The following RAPGEF5 variants were observed in gnomAD, a reference collection of about 807,000 sequenced individuals.
The protein encoded by RAPGEF5 is M-Ras-regulated GEF.
A neutral mutation model predicts 125.2 loss-of-function variants in RAPGEF5; 65 were observed. The ratio of observed to expected loss-of-function variants is 0.52; its 90% CI spans 0.43 to 0.64. RAPGEF5 has a LOEUF of 0.64. Ranked by LOEUF, RAPGEF5 falls within the 30% of genes least tolerant of loss-of-function variation. The probability of loss-of-function intolerance (pLI) is 0.00; values close to 1 mark genes in which losing one functional copy is unlikely to be tolerated. For synonymous variants in RAPGEF5, 391 were observed against 385.9 expected (o/e 1.01, Z -0.16); for missense variants, 958 against 1,048.1 (o/e 0.91, Z 1.19).
intron 7 of RAPGEF5, among the ~76,000 whole-genome samples, chr7:22,254,608 C>CAAAAA (rs11330777): frequency 2.4e-5 from 2 of 83,018 alleles, no homozygotes; most frequent in African/African-American, 9.0e-5. Context: ...AACTCCGTCT[C>CAAAAA]AAAAAAAAAA....
chr7:22,310,149 A>AAAAAAATGATAT, intron 3 of RAPGEF5, 59 bp from the exon 4 acceptor site: 1 of 1,273,722 alleles, frequency 7.9e-7, no homozygotes. Context: ...TGCCAAAAAA[A>AAAAAAATGATAT]CAAAAATGAT....
In RAPGEF5 at chr7:22,308,556, C is replaced by T. The variant is rs1364259111; in HGVS notation, c.512-49G>A. The T allele has an allele frequency of 1.3e-5, 17 of 1,356,736 alleles. No individual in the cohort carries two copies. The Middle Eastern group carries it at 7.8e-4, about 63-fold the overall frequency. 84.0% of individuals were successfully genotyped at this position (1,356,736 alleles called of 1,614,324 possible). ...GATCAATTTTTTAAAAGATATTACT[C>T]AGAGAGTAATAACTCAAATGATAAA... On this transcript the variant is annotated intron_variant, in intron 4 of 25. Coordinates refer to ENST00000665637, the MANE Select transcript of RAPGEF5 (RefSeq NM_012294.5).
At chr7:22,225,586 C>A (rs1302109935) in intron 8 of RAPGEF5, among the ~76,000 whole-genome samples, 1 of 152,144 alleles carries the variant, frequency 6.6e-6, no homozygotes, top group Non-Finnish European at 1.5e-5. Flanking sequence ...TTTCAGAGCT[C>A]CATAATTTAG....
intron 1 of RAPGEF5, chr7:22,355,890 A>G (rs1054402268): frequency 6.6e-6 from 6 of 911,478 alleles, no homozygotes; most frequent in Non-Finnish European, 7.9e-6. Context: ...TAAAAATTAC[A>G]GCCAAACGGG....
At chr7:22,158,887 G>C (rs1289767841) in intron 14 of RAPGEF5, among the ~76,000 whole-genome samples, 3 of 152,158 alleles carry the variant, frequency 2.0e-5, no homozygotes, top group Admixed American at 1.3e-4. Flanking sequence ...TCCCACCTCT[G>C]ACTCCCAAAG....
chr7:22,242,050 G>A (rs1786344951), intron 7 of RAPGEF5, among the ~76,000 whole-genome samples: 1 of 152,198 alleles, frequency 6.6e-6, no homozygotes, highest in Non-Finnish European at 1.5e-5. Flanking sequence ...GCATCAAGTA[G>A]ACTGTGGGAA....
At chr7:22,228,402 T>C (rs1785971795) in intron 8 of RAPGEF5, among the ~76,000 whole-genome samples, 1 of 152,180 alleles carries the variant, frequency 6.6e-6, no homozygotes, top group Non-Finnish European at 1.5e-5. Context: ...CTAATATATA[T>C]GAAGTGCTGC....
chr7:22,193,876 C>A (rs376887944), intron 10 of RAPGEF5, 39 bp downstream of exon 10: 3 of 1,611,990 alleles, frequency 1.9e-6, no homozygotes, highest in East Asian at 2.2e-5. Context: ...GAAAAGGAAA[C>A]GGGAGCGCGT....
intron 13 of RAPGEF5, among the ~76,000 whole-genome samples, chr7:22,161,040 CAAAA>C (rs58855860): frequency 0.19 from 27,827 of 145,902 alleles, 2,942 homozygotes; most frequent in East Asian, 0.41. Flanking sequence ...ACTAAAAATA[CAAAA>C]AAAAAAAAAA....
intron 1 of RAPGEF5, among the ~76,000 whole-genome samples, chr7:22,355,202 T>G (rs1784399174): frequency 6.6e-6 from 1 of 152,194 alleles, no homozygotes; most frequent in African/African-American, 2.4e-5. Flanking sequence ...GCATACATTA[T>G]CTGAGGTAAC....
At chr7:22,242,123 G>A (rs999938669) in intron 7 of RAPGEF5, among the ~76,000 whole-genome samples, 1 of 152,176 alleles carries the variant, frequency 6.6e-6, no homozygotes, top group African/African-American at 2.4e-5. Flanking sequence ...CCCTTGGCTG[G>A]GCTAGGTCTG....
chr7:22,193,609 G>A (rs1454060661), intron 10 of RAPGEF5, 154 bp from the exon 11 acceptor site: 23 of 1,550,802 alleles, frequency 1.5e-5, no homozygotes, highest in Non-Finnish European at 2.0e-5. Context: ...CGCCGCGGCG[G>A]AATCTTTCCT....
chr7:22,298,421 C>T (rs1276943010), intron 5 of RAPGEF5, among the ~76,000 whole-genome samples: 7 of 152,098 alleles, frequency 4.6e-5, no homozygotes, highest in Non-Finnish European at 8.8e-5. Context: ...TCACGTGATC[C>T]GCCCGCCTCA....
At chr7:22,333,282 G>A (rs1192884201) in intron 1 of RAPGEF5, among the ~76,000 whole-genome samples, 2 of 152,138 alleles carry the variant, frequency 1.3e-5, no homozygotes, top group Non-Finnish European at 2.9e-5. Context: ...GGGTCAGGGG[G>A]AGGAGGTGAA....
intron 25 of RAPGEF5, among the ~76,000 whole-genome samples, chr7:22,124,125 G>T (rs978234173): frequency 2.6e-5 from 4 of 152,194 alleles, no homozygotes; most frequent in Non-Finnish European, 2.9e-5. Context: ...TGAGTGGGAG[G>T]TTCAAGGCAG....
intron 18 of RAPGEF5, among the ~76,000 whole-genome samples, chr7:22,149,579 A>C (rs1245962082): frequency 6.6e-6 from 1 of 152,230 alleles, no homozygotes; most frequent in Non-Finnish European, 1.5e-5. Flanking sequence ...TTTTGGACTG[A>C]AAGTAACTTA....
At chr7:22,173,274 A>G (rs1784404117) in intron 11 of RAPGEF5, among the ~76,000 whole-genome samples, 1 of 152,224 alleles carries the variant, frequency 6.6e-6, no homozygotes, top group African/African-American at 2.4e-5. Context: ...GTGCTATGCC[A>G]TTAAAAGCAA....
intron 9 of RAPGEF5, among the ~76,000 whole-genome samples, chr7:22,217,626 C>G (rs1785671272): frequency 6.6e-6 from 1 of 152,152 alleles, no homozygotes; most frequent in Non-Finnish European, 1.5e-5. Context: ...AGGGAGATGA[C>G]AGAATGGCTT....
chr7:22,315,290 A>G, intron 3 of RAPGEF5, 80 bp downstream of exon 3: 1 of 1,472,440 alleles, frequency 6.8e-7, no homozygotes, highest in Non-Finnish European at 9.1e-7. Flanking sequence ...CCTCTCTTTG[A>G]TCAAGGTTAC....
Sources: allele counts gnomAD v4.1 joint callset (sites outside exome capture counted in the v4.1 genomes callset), GRCh38; gene constraint gnomAD v4.1.1; transcripts MANE v1.5; gene names NCBI Gene and HGNC (gene_info 2026-07-23, HGNC 2026-07-21).